The following IFI16 variants were observed in gnomAD, a reference collection of about 807,000 sequenced individuals.
IFI16 encodes the protein gamma-interferon-inducible protein 16.
A neutral mutation model predicts 68.4 loss-of-function variants in IFI16; 49 were observed. The ratio of observed to expected loss-of-function variants is 0.72; its 90% confidence interval spans 0.57 to 0.91. The LOEUF is 0.91. Ranked by LOEUF, IFI16 falls within the 40% of genes least tolerant of loss-of-function variation. The pLI is 0.00. For missense variants in IFI16, 878 were observed against 942.9 expected, an observed-to-expected ratio of 0.93 and a Z score of 0.90; for synonymous variants, 307 against 315.0, an observed-to-expected ratio of 0.97 and a Z score of 0.27.
At chr1:159,019,407 A>G (rs894167695) in intron 5 of IFI16, among the ~76,000 whole-genome samples, 1 of 151,686 alleles carries the variant, frequency 6.6e-6, no homozygotes, top group Non-Finnish European at 1.5e-5. Context: ...ATACTTCATT[A>G]CCCATTATAT....
chr1:159,029,855 T>G (rs1188144023), intron 6 of IFI16, among the ~76,000 whole-genome samples: 1 of 152,112 alleles, frequency 6.6e-6, no homozygotes, highest in Non-Finnish European at 1.5e-5. Context: ...TAATTTTTTG[T>G]ATTTTTAGTA....
At position 159,020,457 on chromosome 1, in the gene IFI16, A is replaced by G. The variant is rs1057024; in HGVS notation, c.1089A>G (p.Gln363=). The G allele has an allele frequency of 0.18, 290,141 of 1,611,266 alleles. 40,469 individuals carry two copies. Among genetic ancestry groups the G allele is most frequent in the African/African-American group, 0.7 (52,484 of 74,820 alleles). The part of the protein sequence containing the change: ...NIPCEEGDKL[Q]LFCFRLRKKN... ...CCTGTGAAGAAGGAGATAAGCTCCA[A>G]CTTTTCTGCTTTCGACTTAGAAAAA... The change falls in exon 6 of 12, where the codon CAA becomes CAG. Residue 363 remains glutamine, a synonymous_variant. Transcript: ENST00000295809.
At chr1:159,046,422 C>G (rs1299121817) in intron 8 of IFI16, among the ~76,000 whole-genome samples, 2 of 151,242 alleles carry the variant, frequency 1.3e-5, no homozygotes, top group African/African-American at 4.8e-5. Context: ...GATTTGAAAA[C>G]CAGAAGGATA....
chr1:159,042,124 C>G (rs1226130344), intron 7 of IFI16, among the ~76,000 whole-genome samples: 1 of 152,160 alleles, frequency 6.6e-6, no homozygotes, highest in African/African-American at 2.4e-5. Context: ...TGGTGTCCAG[C>G]CAGCCCCATA....
chr1:159,042,634 GATC>G (rs1472293399), intron 7 of IFI16, among the ~76,000 whole-genome samples: 4 of 152,190 alleles, frequency 2.6e-5, no homozygotes, highest in African/African-American at 4.8e-5. Flanking sequence ...TCCCAGAATA[GATC>G]ATATTTTCTC....
In IFI16 at chr1:159,016,712, C is replaced by T; in HGVS notation, c.549+12C>T. The T allele has an allele frequency of 6.2e-7, 1 of 1,601,600 alleles. No homozygotes were observed. The highest frequency in any genetic ancestry group is 8.5e-7 in the Non-Finnish European group (1 of 1,174,468). Reference sequence around the variant, plus strand: ...GTTCTTCAACTGAGGTACACTCTTCCTGGTCCCATTTTGCTTTGTTTTTTT... The same window carrying T: ...GTTCTTCAACTGAGGTACACTCTTCTTGGTCCCATTTTGCTTTGTTTTTTT... On this transcript the variant is annotated intron_variant, in intron 4 of 11. Transcript: ENST00000295809.
At chr1:159,015,740 G>C in intron 2 of IFI16, 132 bp from the exon 3 acceptor site, 2 of 663,672 alleles carry the variant, frequency 3.0e-6, no homozygotes, top group South Asian at 3.6e-5. Context: ...AGTAGAGCTA[G>C]ACTAAAGCAC....
intron 7 of IFI16, among the ~76,000 whole-genome samples, chr1:159,033,601 G>A (rs1052387755): frequency 9.9e-5 from 15 of 152,132 alleles, no homozygotes; most frequent in South Asian, 2.1e-4. Context: ...GGTACAGAAA[G>A]GTTAAAAATC....
exon 1 of IFI16, chr1:159,000,205 G>T (rs1652005118): frequency 4.0e-6 from 1 of 249,402 alleles, no homozygotes. Flanking sequence ...GTTTGCCTGT[G>T]GCAATATTAA....
upstream of IFI16, among the ~76,000 whole-genome samples, chr1:159,008,364 C>T (rs1169218715): frequency 6.6e-6 from 1 of 152,080 alleles, no homozygotes; most frequent in East Asian, 1.9e-4. Context: ...TTGGCCACTG[C>T]CACAAAGTGG....
At chr1:159,035,274 C>G (rs374697386) in intron 7 of IFI16, among the ~76,000 whole-genome samples, 1 of 152,082 alleles carries the variant, frequency 6.6e-6, no homozygotes, top group East Asian at 1.9e-4. Context: ...TGTCTTTTTG[C>G]CATCTTGGCA....
intron 1 of IFI16, 91 bp from the exon 2 acceptor site, chr1:159,014,570 C>T: frequency 1.3e-6 from 1 of 789,856 alleles, no homozygotes; most frequent in East Asian, 2.7e-5. Flanking sequence ...ATGAACAACT[C>T]TTTCATATGG....
At chr1:159,047,021 T>C (rs1411726850) in intron 8 of IFI16, among the ~76,000 whole-genome samples, 1 of 151,194 alleles carries the variant, frequency 6.6e-6, no homozygotes, top group African/African-American at 2.4e-5. Context: ...TACCTCTGTA[T>C]GACCTACAAT....
intron 7 of IFI16, among the ~76,000 whole-genome samples, chr1:159,033,913 G>A (rs967184528): frequency 6.6e-6 from 1 of 152,192 alleles, no homozygotes. Flanking sequence ...CTGAATGACA[G>A]AAGTGGTAGA....
chr1:159,013,951 CTGAT>C (rs1652752348), intron 1 of IFI16, among the ~76,000 whole-genome samples: 1 of 151,998 alleles, frequency 6.6e-6, no homozygotes, highest in Admixed American at 6.5e-5. Flanking sequence ...CGAGAGAAAA[CTGAT>C]TGTGCGAAAA....
At chr1:159,034,465 A>G (rs774501525) in intron 7 of IFI16, among the ~76,000 whole-genome samples, 4 of 152,172 alleles carry the variant, frequency 2.6e-5, no homozygotes, top group Non-Finnish European at 4.4e-5. Context: ...ATACAAGAAT[A>G]TGTTCATTAT....
chr1:159,030,877 G>GGC (rs150056231), intron 6 of IFI16, among the ~76,000 whole-genome samples: 5 of 466 alleles, frequency 0.011, no homozygotes, highest in South Asian at 0.033. Context: ...GGTGGTGGGT[G>GGC]GGGGGGCCAC....
intron 6 of IFI16, among the ~76,000 whole-genome samples, chr1:159,021,154 G>A (rs1653288579): frequency 6.6e-6 from 1 of 152,142 alleles, no homozygotes; most frequent in African/African-American, 2.4e-5. Context: ...ATAGGAATAA[G>A]TTCTTTAGTG....
At chr1:159,034,193 C>G (rs1417804) in intron 7 of IFI16, among the ~76,000 whole-genome samples, 108,697 of 152,118 alleles carry the variant, frequency 0.71, 40,728 homozygotes, top group Admixed American at 0.83. Flanking sequence ...ATCAAAACAT[C>G]TAAAGCAACA....
Sources: allele counts gnomAD v4.1 joint callset (sites outside exome capture counted in the v4.1 genomes callset), GRCh38; gene constraint gnomAD v4.1.1; transcripts MANE v1.5; gene names NCBI Gene and HGNC (gene_info 2026-07-23, HGNC 2026-07-21).